Variants in NFKB1 observed in about 807,000 individuals in gnomAD.
NFKB1 encodes the protein nuclear factor NF-kappa-B p105 subunit.
Under a neutral mutation model 105.1 loss-of-function variants are expected in NFKB1, and 9 were observed. The observed-to-expected ratio is 0.09, with a 90% CI of 0.05 to 0.15. The LOEUF is 0.15. Ranked by LOEUF, NFKB1 falls within the 10% of genes least tolerant of loss-of-function variation. NFKB1 has a pLI of 1.00. For missense variants in NFKB1, 830 were observed against 1,203.7 expected (o/e 0.69, Z 4.59); for synonymous variants, 440 against 442.2 (o/e 1.00, Z 0.06).
chr4:102,613,221 T>G (rs1329499696), intron 22 of NFKB1, among the ~76,000 whole-genome samples: 1 of 152,136 alleles, frequency 6.6e-6, no homozygotes, highest in African/African-American at 2.4e-5. Flanking sequence ...TCTCTGTGAT[T>G]TCCTGAGTGG....
chr4:102,601,025 A>C lies in NFKB1; in HGVS notation c.1752+16A>C. ...TCTGTACCAGGTAAGCAGAAATCTC[A>C]AGAAAACAACTGAAGAAAAATCTGT... On this transcript the variant is annotated intron_variant, in intron 16 of 23. Coordinates refer to ENST00000226574, the MANE Select transcript of NFKB1 (RefSeq NM_003998.4). The C allele has an allele frequency of 6.9e-7, 1 of 1,450,716 alleles. No individual in the cohort carries two copies. The highest frequency in any genetic ancestry group is 9.6e-7 in the Non-Finnish European group (1 of 1,046,154). 89.9% of individuals were successfully genotyped at this position (1,450,716 alleles called of 1,614,324 possible).
chr4:102,501,639 C>CCGCCG lies in NFKB1; in HGVS notation c.-153_-149dup, dbSNP rs1477717765. ...CGGCGCTGACTGGCCTGGCCCGGCC[C>CCGCCG]CGCCGCGCTCCCGCTCGCCCCGACC... On this transcript the variant is annotated 5_prime_UTR_variant, in exon 1 of 24. Coordinates refer to ENST00000226574, the MANE Select transcript of NFKB1 (RefSeq NM_003998.4). 6.7e-6 allele frequency: 1 copy of CCGCCG among 149,722 alleles called. No individual in the cohort carries two copies. Among genetic ancestry groups the CCGCCG allele is most frequent in the Admixed American group, 6.7e-5 (1 of 15,006 alleles). The allele number at this position is 149,722 out of a possible 1,614,324, so 9.3% of individuals were successfully genotyped here. A position where few individuals can be genotyped will look rare whatever the true frequency, so the allele number is the denominator to read the frequency against.
At chr4:102,596,465 C>T (rs1726626594) in intron 14 of NFKB1, 133 bp downstream of exon 14, 3 of 639,584 alleles carry the variant, frequency 4.7e-6, no homozygotes, top group African/African-American at 3.6e-5. Context: ...TTCTGTATGC[C>T]TTTGGAAAAG....
intron 2 of NFKB1, among the ~76,000 whole-genome samples, chr4:102,526,450 T>C (rs2149114192): frequency 6.6e-6 from 1 of 152,270 alleles, no homozygotes; most frequent in South Asian, 2.1e-4. Flanking sequence ...TTTTGACTAC[T>C]ATACAATCTA....
At chr4:102,505,745 G>A (rs1739378406) in intron 1 of NFKB1, among the ~76,000 whole-genome samples, 1 of 152,096 alleles carries the variant, frequency 6.6e-6, no homozygotes, top group South Asian at 2.1e-4. Flanking sequence ...AAATACTCTA[G>A]TTTAACTAAA....
chr4:102,533,181 A>G (rs1741409891), intron 3 of NFKB1, among the ~76,000 whole-genome samples: 1 of 152,176 alleles, frequency 6.6e-6, no homozygotes, highest in South Asian at 2.1e-4. Context: ...ATTAATATGA[A>G]AATTTTACCA....
At chr4:102,608,534 A>G (rs1387031814) in intron 19 of NFKB1, among the ~76,000 whole-genome samples, 2 of 152,218 alleles carry the variant, frequency 1.3e-5, no homozygotes, top group African/African-American at 4.8e-5. Context: ...AGTCCTGTGA[A>G]GTATAGAAAA....
At chr4:102,505,846 A>G (rs1189909385) in intron 1 of NFKB1, among the ~76,000 whole-genome samples, 3 of 152,098 alleles carry the variant, frequency 2.0e-5, no homozygotes, top group Non-Finnish European at 4.4e-5. Flanking sequence ...ATTAACTGTT[A>G]AATGAATGAA....
chr4:102,536,673 C>A (rs1458894645), intron 4 of NFKB1, among the ~76,000 whole-genome samples: 1 of 152,022 alleles, frequency 6.6e-6, no homozygotes, highest in Non-Finnish European at 1.5e-5. Flanking sequence ...TGGGGTTCCA[C>A]AATTTAATGA....
At chr4:102,596,424 A>G (rs1002849127) in intron 14 of NFKB1, 92 bp downstream of exon 14, 1 of 1,007,788 alleles carries the variant, frequency 9.9e-7, no homozygotes, top group Non-Finnish European at 1.4e-6. Context: ...AAGATGATAT[A>G]TCAATATCTA....
rs1042505557 is a variant in NFKB1 at position 102,603,636 on chromosome 4, G to GAATT, written c.1752+2629_1752+2632dup. 1.3e-4 allele frequency among the ~76,000 whole-genome samples: 20 copies of GAATT among 152,278 alleles called. 1 individual carries two copies. Among genetic ancestry groups the GAATT allele is most frequent in the African/African-American group, 4.6e-4 (19 of 41,552 alleles). ...ACACCCAATGGCAACTTTGATTTGA[G>GAATT]AATTAGAAACTGCTAAGATTTGAAC... On this transcript the variant is annotated intron_variant, in intron 16 of 23. Coordinates refer to ENST00000226574, the MANE Select transcript of NFKB1 (RefSeq NM_003998.4).
rs200902693 is a variant in NFKB1 at position 102,597,673 on chromosome 4, C to G, written c.1637+12C>G. 7.0e-4 allele frequency: 1,129 copies of G among 1,605,914 alleles called. 1 individual carries two copies. Among genetic ancestry groups the G allele is most frequent in the East Asian group, 1.1e-3 (51 of 44,658 alleles). On this transcript the variant is annotated intron_variant, in intron 15 of 23. Coordinates refer to ENST00000226574, the MANE Select transcript of NFKB1 (RefSeq NM_003998.4). The stretch of plus-strand genomic sequence containing the variant: ...GAGAATGGGGACAGGTAAGTCAGAA[C>G]TTTTGCATGATAGGTTGTCCTGGGT...
chr4:102,597,416 C>T, intron 14 of NFKB1, 104 bp from the exon 15 acceptor site: 1 of 1,184,378 alleles, frequency 8.4e-7, no homozygotes, highest in Non-Finnish European at 1.2e-6. Flanking sequence ...AATGATATGT[C>T]AAGGTGTCAG....
At chr4:102,577,648 G>A (rs146822796) in intron 7 of NFKB1, 22 of 179,872 alleles carry the variant, frequency 1.2e-4, no homozygotes, top group African/African-American at 3.3e-4. Flanking sequence ...CCGTCCAGTC[G>A]TCATCTGATA....
Position 102,596,035 on chromosome 4 carries a change from C to T in NFKB1, c.1301-103C>T, listed in dbSNP as rs1726580253. ...AATTATTATTTTTCTTTTCCTTTTG[C>T]AGCAAACTTGTCTCTTACCTTTATC... On this transcript the variant is annotated intron_variant, in intron 13 of 23. Coordinates refer to ENST00000226574, the MANE Select transcript of NFKB1 (RefSeq NM_003998.4). 6 of 662,326 alleles carry T rather than the reference C, an allele frequency of 9.1e-6. No homozygotes were observed. In the East Asian group the frequency reaches 1.4e-4, roughly 15 times the overall value. The allele number at this position is 662,326 out of a possible 1,614,324, so 41.0% of individuals were successfully genotyped here.
intron 20 of NFKB1, 106 bp from the exon 21 acceptor site, chr4:102,611,938 C>T (rs572013714): frequency 6.8e-5 from 55 of 811,496 alleles, no homozygotes; most frequent in Admixed American, 3.7e-4. Flanking sequence ...ATTAGGGTAC[C>T]AGGCCCTCCT....
chr4:102,534,222 G>A (rs966331604), intron 4 of NFKB1, among the ~76,000 whole-genome samples: 4 of 152,126 alleles, frequency 2.6e-5, no homozygotes, highest in Non-Finnish European at 5.9e-5. Context: ...TCATTTATAA[G>A]GAAATACGTA....
At position 102,578,902 on chromosome 4, in the gene NFKB1, G is replaced by T. The variant is rs561236472; in HGVS notation, c.593G>T (p.Arg198Leu). 1 of 1,613,982 alleles carries T rather than the reference G, an allele frequency of 6.2e-7. No homozygotes were observed. Among genetic ancestry groups the T allele is most frequent in the Admixed American group, 1.7e-5 (1 of 59,978 alleles). Residue 198 changes from arginine to leucine, a missense_variant, in exon 8 of 24, where the codon CGC (arginine) becomes CTC (leucine). Around this residue, in one of 8 missense-constraint regions of NFKB1, gnomAD observed 80 missense variants for 122.6 expected, o/e 0.65. Transcript: ENST00000226574. ...QLGDREKELIRQAALQQTKEM... is the reference protein window; with the variant it reads ...QLGDREKELILQAALQQTKEM... ...CTAGATCGGGAAAAAGAGCTAATCC[G>T]CCAAGCAGCTCTGCAGCAGACCAAG...
At chr4:102,517,077 A>G (rs1578710565) in intron 1 of NFKB1, among the ~76,000 whole-genome samples, 1 of 152,296 alleles carries the variant, frequency 6.6e-6, no homozygotes, top group Non-Finnish European at 1.5e-5. Context: ...CTTGTCCTAC[A>G]CTATCACAGC....
Sources: gnomAD v4.1 joint callset for allele counts (sites outside exome capture counted in the v4.1 genomes callset) on GRCh38, gnomAD v4.1.1 for gene constraint, gnomAD v4.1.1 regional missense constraint, MANE v1.5 for transcripts, NCBI Gene and HGNC (gene_info 2026-07-23, HGNC 2026-07-21) for gene names.